The following GNG12 variants were observed in gnomAD, a reference collection of about 807,000 sequenced individuals.
GNG12 encodes G protein subunit gamma 12.
For synonymous variants in GNG12, 28 were observed against 29.7 expected, an observed-to-expected ratio of 0.94 and a Z score of 0.19; for missense variants, 69 against 83.8, an observed-to-expected ratio of 0.82 and a Z score of 0.69.
At chr1:67,818,976 CAT>C (rs1222660516) in intron 1 of GNG12, among the ~76,000 whole-genome samples, 2 of 152,120 alleles carry the variant, frequency 1.3e-5, no homozygotes, top group East Asian at 1.9e-4. Context: ...TTGGGGAACT[CAT>C]AGACAATTTT....
intron 2 of GNG12, among the ~76,000 whole-genome samples, chr1:67,708,838 C>T (rs539960112): frequency 2.0e-5 from 3 of 152,248 alleles, no homozygotes; most frequent in East Asian, 1.9e-4. Flanking sequence ...CTTAGGGCTC[C>T]GTGGCGCCAG....
chr1:67,770,834 G>A (rs1310574700), intron 2 of GNG12, among the ~76,000 whole-genome samples: 2 of 152,250 alleles, frequency 1.3e-5, no homozygotes, highest in South Asian at 2.1e-4. Flanking sequence ...GACCTGAGCA[G>A]TGGGCAGCTG....
At chr1:67,717,343 T>C (rs1227007889) in intron 2 of GNG12, among the ~76,000 whole-genome samples, 1 of 152,046 alleles carries the variant, frequency 6.6e-6, no homozygotes, top group African/African-American at 2.4e-5. Flanking sequence ...GGCCAAACCC[T>C]GTCTCTACTA....
intron 2 of GNG12, among the ~76,000 whole-genome samples, chr1:67,766,470 G>C (rs1646640452): frequency 6.6e-6 from 1 of 152,178 alleles, no homozygotes; most frequent in South Asian, 2.1e-4. Context: ...AAGAGGGAGG[G>C]AATGTGATTA....
chr1:67,828,776 T>C (rs986535082), intron 1 of GNG12, among the ~76,000 whole-genome samples: 1 of 152,186 alleles, frequency 6.6e-6, no homozygotes, highest in Admixed American at 6.5e-5. Flanking sequence ...ATGCAGATCC[T>C]AAAAACCCAC....
chr1:67,736,592 C>T (rs759796637), intron 2 of GNG12, among the ~76,000 whole-genome samples: 1 of 152,174 alleles, frequency 6.6e-6, no homozygotes. Context: ...CATACTTGTG[C>T]AGCCTGCAGG....
At chr1:67,799,135 T>C (rs1646849462) in intron 1 of GNG12, among the ~76,000 whole-genome samples, 1 of 152,186 alleles carries the variant, frequency 6.6e-6, no homozygotes, top group Non-Finnish European at 1.5e-5. Flanking sequence ...CAGCAGGCTA[T>C]TAATAGTAAT....
At chr1:67,813,467 A>T (rs1646937529) in intron 1 of GNG12, among the ~76,000 whole-genome samples, 1 of 152,190 alleles carries the variant, frequency 6.6e-6, no homozygotes, top group Admixed American at 6.5e-5. Context: ...GGCATCAGTT[A>T]GGGCCTAAGC....
At chr1:67,767,824 A>G (rs1322824405) in intron 2 of GNG12, among the ~76,000 whole-genome samples, 1 of 152,278 alleles carries the variant, frequency 6.6e-6, no homozygotes, top group Non-Finnish European at 1.5e-5. Context: ...TTTGGAATTT[A>G]TAAGCAAACC....
intron 1 of GNG12, among the ~76,000 whole-genome samples, chr1:67,779,495 C>T (rs1366720078): frequency 1.3e-5 from 2 of 149,584 alleles, no homozygotes; most frequent in African/African-American, 5.0e-5. Flanking sequence ...CCCTCAGGCG[C>T]CTCACTGACA....
chr1:67,758,726 A>T (rs1646584556), intron 2 of GNG12, among the ~76,000 whole-genome samples: 1 of 152,206 alleles, frequency 6.6e-6, no homozygotes, highest in Non-Finnish European at 1.5e-5. Context: ...ATCAGCTAAG[A>T]TGCTCCCTGT....
intron 1 of GNG12, among the ~76,000 whole-genome samples, chr1:67,816,136 T>C (rs184378372): frequency 6.6e-6 from 1 of 152,362 alleles, no homozygotes; most frequent in East Asian, 1.9e-4. Flanking sequence ...GAGACTTTTT[T>C]TTCTTTTCTT....
intron 2 of GNG12, among the ~76,000 whole-genome samples, chr1:67,751,122 C>G (rs1010372190): frequency 1.2e-4 from 18 of 151,884 alleles, no homozygotes; most frequent in African/African-American, 4.1e-4. Context: ...CCCCCTCACC[C>G]ACCCACCCAC....
At chr1:67,729,069 C>G (rs1646403799) in intron 2 of GNG12, among the ~76,000 whole-genome samples, 1 of 152,186 alleles carries the variant, frequency 6.6e-6, no homozygotes, top group Admixed American at 6.5e-5. Flanking sequence ...CATTTCAGAT[C>G]CTGGCCCTCC....
At chr1:67,736,987 A>T (rs1204123097) in intron 2 of GNG12, among the ~76,000 whole-genome samples, 1 of 152,210 alleles carries the variant, frequency 6.6e-6, no homozygotes, top group Non-Finnish European at 1.5e-5. Flanking sequence ...AGCATGGCCA[A>T]CATCATATAG....
intron 1 of GNG12, among the ~76,000 whole-genome samples, chr1:67,827,672 G>A (rs767418095): frequency 2.0e-4 from 29 of 142,314 alleles, no homozygotes; most frequent in Non-Finnish European, 3.4e-4. Flanking sequence ...TGATCCACCC[G>A]CCTCGGCCTC....
rs529332687 is a variant in GNG12 at position 67,831,244 on chromosome 1, C to A, written c.-77+2100G>T. ...CACATAATTCTAATTTTAAAAAAAA[C>A]TAATTTGATATTGGCTAACCACTTC... On this transcript the variant is annotated intron_variant, in intron 1 of 3. Transcript: ENST00000370982. Among the ~76,000 whole-genome samples, 3 of 152,254 alleles carry A rather than the reference C, an allele frequency of 2.0e-5. No homozygotes were observed. The East Asian group carries it at 5.8e-4, about 29-fold the overall frequency.
intron 1 of GNG12, among the ~76,000 whole-genome samples, chr1:67,828,954 A>G (rs1053243742): frequency 6.6e-6 from 1 of 152,244 alleles, no homozygotes; most frequent in Non-Finnish European, 1.5e-5. Flanking sequence ...AAATCCTGCT[A>G]TTTGTAGTTA....
At chr1:67,787,361 C>T (rs888195923) in intron 1 of GNG12, among the ~76,000 whole-genome samples, 2 of 152,014 alleles carry the variant, frequency 1.3e-5, no homozygotes, top group Non-Finnish European at 1.5e-5. Context: ...CCTAAGGATG[C>T]AAAGAGCTTG....
Sources: allele counts gnomAD v4.1 joint callset (sites outside exome capture counted in the v4.1 genomes callset), GRCh38; gene constraint gnomAD v4.1.1; transcripts MANE v1.5; gene names NCBI Gene and HGNC (gene_info 2026-07-23, HGNC 2026-07-21).